The following RIN2 variants were observed in gnomAD, a reference collection of about 807,000 sequenced individuals.
RIN2 encodes the protein Ras and Rab interactor 2.
In RIN2, 36 loss-of-function variants were observed where a neutral mutation model predicts 78.0. The observed-to-expected ratio is 0.46, with a 90% CI of 0.35 to 0.61. The LOEUF (loss-of-function observed/expected upper bound fraction) is 0.61. Among genes scored for constraint, RIN2 ranks in the 20% least tolerant of loss-of-function variants. The pLI is 0.00. For synonymous variants in RIN2, 466 were observed against 466.8 expected, an observed-to-expected ratio of 1.00 and a Z score of 0.02; for missense variants, 1,087 against 1,159.7, an observed-to-expected ratio of 0.94 and a Z score of 0.91.
At chr20:19,763,775 CT>C (rs1288842078) in intron 1 of RIN2, among the ~76,000 whole-genome samples, 1 of 152,130 alleles carries the variant, frequency 6.6e-6, no homozygotes, top group African/African-American at 2.4e-5. Context: ...TTGAGAGCCC[CT>C]GATTCAGTTT....
At chr20:19,955,214 C>T (rs2041485726) in intron 4 of RIN2, among the ~76,000 whole-genome samples, 1 of 152,132 alleles carries the variant, frequency 6.6e-6, no homozygotes, top group East Asian at 1.9e-4. Flanking sequence ...CAGTATGTGG[C>T]CTTATGTCTG....
At chr20:19,857,115 C>G (rs542718407) in intron 2 of RIN2, among the ~76,000 whole-genome samples, 1 of 152,104 alleles carries the variant, frequency 6.6e-6, no homozygotes, top group Admixed American at 6.5e-5. Context: ...GTTTCCTGTC[C>G]CTTTCCTAGT....
At chr20:19,757,785 A>T, upstream of RIN2, 1 of 152,440 alleles carries the variant, frequency 6.6e-6, no homozygotes, top group Non-Finnish European at 1.5e-5. Context: ...ATCTCCGAGA[A>T]CAAAACTCTG....
chr20:19,891,946 C>G (rs1291835644), intron 3 of RIN2, among the ~76,000 whole-genome samples: 1 of 152,226 alleles, frequency 6.6e-6, no homozygotes, highest in African/African-American at 2.4e-5. Context: ...CCAGTTTTTC[C>G]TGCAGTTCTA....
rs200273051 is a variant in RIN2 at position 19,904,231 on chromosome 20, CAAA to C, written c.57+14581_57+14583del. 3.6e-3 allele frequency among the ~76,000 whole-genome samples: 436 copies of C among 121,096 alleles called. 2 individuals carry two copies. The highest frequency in any genetic ancestry group is 9.0e-3 in the Middle Eastern group (2 of 222). The allele number at this position is 121,096 out of a possible 152,430, so 79.4% of individuals were successfully genotyped here. A position where few individuals can be genotyped will look rare whatever the true frequency, so the allele number is the denominator to read the frequency against. On this transcript the variant is annotated intron_variant, in intron 3 of 12. Coordinates refer to ENST00000255006, the MANE Select transcript of RIN2 (RefSeq NM_018993.4). Reference sequence around the variant, plus strand: ...TGGGTGACAGAATGAGACTTCGTCTCAAAAAAAAAATATATATATATATATATA... The same window carrying C: ...TGGGTGACAGAATGAGACTTCGTCTCAAAAAAATATATATATATATATATA...
rs527718118 is a variant in RIN2, at chr20:19,866,395, T to G, written c.-36-23171T>G. On this transcript the variant is annotated intron_variant, in intron 2 of 12. Coordinates refer to ENST00000255006, the MANE Select transcript of RIN2 (RefSeq NM_018993.4). ...ATATATAGGACTGATGAACTCCAAGTTCAGAATTCTTGTAACCTCTGAAAA... is the reference window on the plus strand; with the variant it reads ...ATATATAGGACTGATGAACTCCAAGGTCAGAATTCTTGTAACCTCTGAAAA... Among the ~76,000 whole-genome samples the G allele has an allele frequency of 1.4e-4, 22 of 152,238 alleles. No homozygotes were observed. In the South Asian group the frequency reaches 4.6e-3, roughly 32 times the overall value.
At chr20:19,980,066 A>AAAAAAAAT (rs2042399376) in intron 9 of RIN2, among the ~76,000 whole-genome samples, 1 of 145,376 alleles carries the variant, frequency 6.9e-6, no homozygotes, top group African/African-American at 2.6e-5. Flanking sequence ...AAAAAAAAAA[A>AAAAAAAAT]CTCTTCTGAG....
At chr20:19,916,110 C>T (rs547049979) in intron 3 of RIN2, among the ~76,000 whole-genome samples, 5 of 152,254 alleles carry the variant, frequency 3.3e-5, no homozygotes, top group East Asian at 3.9e-4. Flanking sequence ...TATGGTGGCA[C>T]GCGCCTGTAG....
chr20:19,849,945 C>T (rs191149015), intron 2 of RIN2, among the ~76,000 whole-genome samples: 22 of 152,196 alleles, frequency 1.4e-4, no homozygotes, highest in African/African-American at 4.6e-4. Flanking sequence ...GTGATTTACC[C>T]GAAAGGAACA....
At chr20:19,778,387 C>G (rs11906896) in intron 1 of RIN2, among the ~76,000 whole-genome samples, 61,836 of 152,128 alleles carry the variant, frequency 0.41, 16,256 homozygotes, top group African/African-American at 0.75. Context: ...ATTATTTTGG[C>G]ACTGTTAGTT....
chr20:19,904,239 AAAT>A (rs199886572), intron 3 of RIN2, among the ~76,000 whole-genome samples: 20,695 of 115,886 alleles, frequency 0.18, 1,803 homozygotes, highest in Admixed American at 0.25. Context: ...CTCAAAAAAA[AAAT>A]ATATATATAT....
chr20:19,915,475 A>G (rs2039646243), intron 3 of RIN2, among the ~76,000 whole-genome samples: 1 of 152,310 alleles, frequency 6.6e-6, no homozygotes, highest in African/African-American at 2.4e-5. Flanking sequence ...TGCCTGCAGT[A>G]GAGCCATCAC....
At chr20:19,812,007 T>A (rs955999639) in intron 2 of RIN2, among the ~76,000 whole-genome samples, 1 of 152,130 alleles carries the variant, frequency 6.6e-6, no homozygotes, top group East Asian at 1.9e-4. Context: ...CTACTCCCAC[T>A]CAACATAGTG....
chr20:19,935,306 A>C, intron 4 of RIN2, 107 bp downstream of exon 4: 1 of 1,265,582 alleles, frequency 7.9e-7, no homozygotes, highest in Non-Finnish European at 1.1e-6. Context: ...GGGAGCTGGG[A>C]GTGTGGTAGC....
chr20:19,943,975 CTTTTTTTTT>C (rs58524523), intron 4 of RIN2, among the ~76,000 whole-genome samples: 5 of 95,878 alleles, frequency 5.2e-5, no homozygotes, highest in Non-Finnish European at 5.9e-5. Context: ...TTTCAATATC[CTTTTTTTTT>C]TTTTTTTTTT....
At chr20:19,906,828 C>T (rs187940795) in intron 3 of RIN2, among the ~76,000 whole-genome samples, 3 of 152,314 alleles carry the variant, frequency 2.0e-5, no homozygotes, top group Admixed American at 2.0e-4. Flanking sequence ...CTGGGCAGAG[C>T]ATGGATGAGT....
rs2042245151 is a variant in RIN2, at chr20:19,975,348, G to A, written c.1323G>A (p.Ser441=). ...GCATTTCTACTTCCTCCTCCGACTC[G>A]CTGGAGTTCGACCGGAGCATGCCTC... ...DMSISTSSSD[S]LEFDRSMPLF... The change falls in exon 9 of 13, where the codon TCG becomes TCA. Residue 441 remains serine (S), a synonymous_variant. Coordinates refer to ENST00000255006, the MANE Select transcript of RIN2 (RefSeq NM_018993.4). This position sits in a 1 kb window ranked among gnomAD's most constrained non-coding sequence, Gnocchi z 4.9. 2.5e-6 allele frequency: 4 copies of A among 1,613,216 alleles called. No individual in the cohort carries two copies. The highest frequency in any genetic ancestry group is 2.2e-5 in the East Asian group (1 of 44,860).
intron 2 of RIN2, among the ~76,000 whole-genome samples, chr20:19,867,127 T>C (rs1308934049): frequency 6.6e-6 from 1 of 152,188 alleles, no homozygotes; most frequent in East Asian, 1.9e-4. Flanking sequence ...TTAACACATT[T>C]TAACATTTTA....
At chr20:19,987,565 G>A (rs1044919855) in intron 9 of RIN2, among the ~76,000 whole-genome samples, 10 of 152,156 alleles carry the variant, frequency 6.6e-5, no homozygotes, top group Admixed American at 6.6e-4. Context: ...TTAGTATTGT[G>A]CAAAAATAAT....
Sources: gnomAD v4.1 joint callset for allele counts (sites outside exome capture counted in the v4.1 genomes callset) on GRCh38, gnomAD v4.1.1 for gene constraint, Gnocchi (gnomAD v3.1) non-coding constraint, MANE v1.5 for transcripts, NCBI Gene and HGNC (gene_info 2026-07-23, HGNC 2026-07-21) for gene names.